SDK1: variants seen among roughly 807,000 people sequenced by gnomAD.
The protein encoded by SDK1 is protein sidekick-1.
A neutral mutation model predicts 245.5 loss-of-function variants in SDK1; 157 were observed. The ratio of observed to expected loss-of-function variants is 0.64; its 90% CI spans 0.56 to 0.73. The LOEUF (loss-of-function observed/expected upper bound fraction) is 0.73, where lower values mean the gene tolerates loss of function less well. SDK1 is among the 30% of genes least tolerant of loss of function. The pLI, the probability that SDK1 is intolerant of heterozygous loss-of-function variation, is 0.00. For synonymous variants in SDK1, 1,647 were observed against 1,278.5 expected, an observed-to-expected ratio of 1.29 and a Z score of -6.15; for missense variants, 3,583 against 3,002.3, an observed-to-expected ratio of 1.19 and a Z score of -4.52.
chr7:3,698,027 C>G (rs1784625098), intron 4 of SDK1, among the ~76,000 whole-genome samples: 1 of 152,134 alleles, frequency 6.6e-6, no homozygotes, highest in Non-Finnish European at 1.5e-5. Context: ...CTTTCCGTTT[C>G]TCTCATTTAG....
At chr7:3,404,129 T>C (rs1022741479) in intron 1 of SDK1, among the ~76,000 whole-genome samples, 1 of 151,782 alleles carries the variant, frequency 6.6e-6, no homozygotes, top group African/African-American at 2.4e-5. Context: ...AGTGAGCTGA[T>C]GCTATTGGAA....
At chr7:4,091,877 C>T (rs1781825338) in intron 22 of SDK1, among the ~76,000 whole-genome samples, 1 of 152,174 alleles carries the variant, frequency 6.6e-6, no homozygotes, top group Non-Finnish European at 1.5e-5. Flanking sequence ...ATTCTGGCCA[C>T]ACGTTCTTCT....
intron 1 of SDK1, among the ~76,000 whole-genome samples, chr7:3,605,555 A>G (rs1781395631): frequency 6.6e-6 from 1 of 152,182 alleles, no homozygotes; most frequent in Admixed American, 6.6e-5. Context: ...TAAATTATTG[A>G]TTCCATTATA....
At chr7:4,085,488 C>T (rs1781368987) in intron 22 of SDK1, among the ~76,000 whole-genome samples, 1 of 152,138 alleles carries the variant, frequency 6.6e-6, no homozygotes. Context: ...GCGTTCATTT[C>T]AGGACTTGTT....
At chr7:3,727,150 A>G (rs573225009) in intron 4 of SDK1, among the ~76,000 whole-genome samples, 5 of 152,304 alleles carry the variant, frequency 3.3e-5, no homozygotes, top group Non-Finnish European at 5.9e-5. Context: ...GATTTTCACA[A>G]TTTTCACTTG....
intron 1 of SDK1, among the ~76,000 whole-genome samples, chr7:3,442,906 C>T (rs563873315): frequency 6.6e-6 from 1 of 152,096 alleles, no homozygotes; most frequent in African/African-American, 2.4e-5. Flanking sequence ...TTGATCTTTT[C>T]GTTTTGCCCC....
intron 1 of SDK1, among the ~76,000 whole-genome samples, chr7:3,330,748 A>C (rs966344875): frequency 6.7e-5 from 10 of 149,784 alleles, no homozygotes; most frequent in Admixed American, 2.0e-4. Context: ...CAAGGCAAGA[A>C]GACTGCTTGA....
At chr7:3,397,751 T>G (rs1422646224) in intron 1 of SDK1, among the ~76,000 whole-genome samples, 2 of 152,188 alleles carry the variant, frequency 1.3e-5, no homozygotes, top group Admixed American at 1.3e-4. Flanking sequence ...TGTTGTAGTG[T>G]TTTTGCGGTT....
At chr7:4,088,503 G>T (rs1279231902) in intron 22 of SDK1, among the ~76,000 whole-genome samples, 1 of 151,422 alleles carries the variant, frequency 6.6e-6, no homozygotes, top group Non-Finnish European at 1.5e-5. Flanking sequence ...AATATATCCA[G>T]CCTGTATTGG....
intron 32 of SDK1, among the ~76,000 whole-genome samples, chr7:4,169,043 C>T (rs552062398): frequency 6.6e-6 from 1 of 152,216 alleles, no homozygotes; most frequent in Admixed American, 6.5e-5. Flanking sequence ...GGGTGAGAGC[C>T]ATTAGCGGGG....
chr7:3,819,774 C>G (rs780353530), intron 4 of SDK1, among the ~76,000 whole-genome samples: 5 of 151,956 alleles, frequency 3.3e-5, no homozygotes, highest in African/African-American at 4.8e-5. Context: ...TATGGGAACC[C>G]TGAATAAGCA....
At chr7:3,312,900 C>T (rs1018478447) in intron 1 of SDK1, among the ~76,000 whole-genome samples, 8 of 152,114 alleles carry the variant, frequency 5.3e-5, no homozygotes, top group Non-Finnish European at 1.2e-4. Context: ...TAGTAAACCC[C>T]ACACAGGATA....
chr7:3,783,778 C>T (rs940075654), intron 4 of SDK1, among the ~76,000 whole-genome samples: 1 of 152,084 alleles, frequency 6.6e-6, no homozygotes, highest in Admixed American at 6.5e-5. Context: ...GGCCATACTA[C>T]CAAAACCAAC....
Position 3,405,148 on chromosome 7 carries a change from T to TA in SDK1, c.298+103273dup, listed in dbSNP as rs796268534. Among the ~76,000 whole-genome samples, 1,049 of 131,580 alleles carry TA rather than the reference T, an allele frequency of 8.0e-3. 13 individuals are homozygous for TA. Among genetic ancestry groups the TA allele is most frequent in the African/African-American group, 0.025 (758 of 30,020 alleles). 86.3% of individuals were successfully genotyped at this position (131,580 alleles called of 152,430 possible). A position where few individuals can be genotyped will look rare whatever the true frequency, so the allele number is the denominator to read the frequency against. On this transcript the variant is annotated intron_variant, in intron 1 of 44. Transcript: ENST00000404826. ...TGGTCTACTCAGACTTCCTCATTTG[T>TA]AAAAAAAAACCAAAAAAAAAAACAA... is the stretch of plus-strand genomic sequence containing the variant.
intron 22 of SDK1, among the ~76,000 whole-genome samples, chr7:4,109,557 C>G (rs1783193441): frequency 6.6e-6 from 1 of 152,240 alleles, no homozygotes; most frequent in African/African-American, 2.4e-5. Context: ...ATGCTTGCAG[C>G]CGGCCTTCTC....
chr7:3,338,502 G>C lies in SDK1; in HGVS notation c.298+36618G>C, dbSNP rs774466709. ...CCAAAGAGAAATGTACCAGGGTTCA[G>C]CTGAAGAGCCAGCCTGTTCCCAGAG... On this transcript the variant is annotated intron_variant, in intron 1 of 44. Transcript: ENST00000404826. The C allele has an allele frequency of 1.8e-4, 84 of 473,492 alleles. 1 individual carries two copies. The highest frequency in any genetic ancestry group is 3.3e-4 in the Non-Finnish European group (82 of 246,462). The allele number at this position is 473,492 out of a possible 1,614,324, so 29.3% of individuals were successfully genotyped here. A position where few individuals can be genotyped will look rare whatever the true frequency, so the allele number is the denominator to read the frequency against.
chr7:4,038,381 A>G lies in SDK1; in HGVS notation c.2603-10967A>G, dbSNP rs563675793. 5.3e-5 allele frequency among the ~76,000 whole-genome samples: 8 copies of G among 149,630 alleles called. No individual in the cohort carries two copies. The South Asian group carries it at 1.7e-3, about 32-fold the overall frequency. The stretch of plus-strand genomic sequence containing the variant: ...CGGGGCAAACAATTGAAGACAGGGA[A>G]TTTTTTTTTTTGTACCTTAAATAGT... On this transcript the variant is annotated intron_variant, in intron 17 of 44. Coordinates refer to ENST00000404826, the MANE Select transcript of SDK1 (RefSeq NM_152744.4).
At chr7:3,447,761 A>G (rs553501088) in intron 1 of SDK1, among the ~76,000 whole-genome samples, 31 of 141,548 alleles carry the variant, frequency 2.2e-4, no homozygotes, top group African/African-American at 4.3e-4. Context: ...CTGGAGTGCA[A>G]TGGCATGATC....
intron 10 of SDK1, among the ~76,000 whole-genome samples, chr7:3,968,979 G>C (rs1013059487): frequency 1.3e-5 from 2 of 152,196 alleles, no homozygotes; most frequent in African/African-American, 4.8e-5. Flanking sequence ...AAGGCTGCAA[G>C]AGAGAGAAAG....
Sources: allele counts gnomAD v4.1 joint callset (sites outside exome capture counted in the v4.1 genomes callset), GRCh38; gene constraint gnomAD v4.1.1; transcripts MANE v1.5; gene names NCBI Gene and HGNC (gene_info 2026-07-23, HGNC 2026-07-21).